Variants in PTPRD observed in about 807,000 individuals in gnomAD.
The protein encoded by PTPRD is receptor-type tyrosine-protein phosphatase delta.
Under a neutral mutation model 214.5 loss-of-function variants are expected in PTPRD, and 34 were observed. The observed-to-expected ratio is 0.16, with a 90% CI of 0.12 to 0.21. The LOEUF (loss-of-function observed/expected upper bound fraction) is 0.21. Among genes scored for constraint, PTPRD ranks in the 10% least tolerant of loss-of-function variants. The pLI, the probability that PTPRD is intolerant of heterozygous loss-of-function variation, is 1.00. For missense variants in PTPRD, 2,545 were observed against 2,398.7 expected (o/e 1.06, Z -1.27); for synonymous variants, 1,128 against 845.7 (o/e 1.33, Z -5.79).
At chr9:9,950,878 A>G (rs1306531968) in intron 4 of PTPRD, among the ~76,000 whole-genome samples, 1 of 152,122 alleles carries the variant, frequency 6.6e-6, no homozygotes, top group Non-Finnish European at 1.5e-5. Flanking sequence ...GTCTCAAATA[A>G]CAGTAGCAGC....
chr9:8,929,268 G>C (rs2098927594), intron 11 of PTPRD, among the ~76,000 whole-genome samples: 1 of 152,004 alleles, frequency 6.6e-6, no homozygotes, highest in African/African-American at 2.4e-5. Flanking sequence ...TCTTGTGCCG[G>C]TTTTCAAAGG....
chr9:9,959,114 T>G (rs955869138), intron 4 of PTPRD, among the ~76,000 whole-genome samples: 1 of 152,146 alleles, frequency 6.6e-6, no homozygotes, highest in African/African-American at 2.4e-5. Flanking sequence ...GTTCAACAGA[T>G]GAATGAATAA....
At chr9:10,036,430 T>C (rs1228408063) in intron 3 of PTPRD, among the ~76,000 whole-genome samples, 1 of 151,768 alleles carries the variant, frequency 6.6e-6, no homozygotes, top group Non-Finnish European at 1.5e-5. Context: ...ACTCAGATCA[T>C]AGCCCACCAT....
intron 9 of PTPRD, among the ~76,000 whole-genome samples, chr9:9,318,238 A>AAC (rs1375876167): frequency 2.0e-5 from 3 of 151,526 alleles, no homozygotes; most frequent in South Asian, 4.1e-4. Flanking sequence ...AAAAAAAAAA[A>AAC]CACCAAAAAG....
Position 8,331,475 on chromosome 9 carries a change from T to C in PTPRD, c.5534+107A>G, listed in dbSNP as rs573089639. The C allele has an allele frequency of 1.5e-3, 2,000 of 1,291,930 alleles. 4 individuals are homozygous for C. Among genetic ancestry groups the C allele is most frequent in the Non-Finnish European group, 2.0e-3 (1,858 of 938,804 alleles). 80.0% of individuals were successfully genotyped at this position (1,291,930 alleles called of 1,614,324 possible). On this transcript the variant is annotated intron_variant, in intron 44 of 45. Transcript: ENST00000381196. ...ATCCTGCTTTAAGTTTTGTAATACA[T>C]TGCCAAGAATAAAATTTCAAATAAG...
intron 14 of PTPRD, among the ~76,000 whole-genome samples, chr9:8,555,174 T>C (rs1008863833): frequency 3.3e-5 from 5 of 152,054 alleles, no homozygotes; most frequent in African/African-American, 1.2e-4. Flanking sequence ...CACACCAATT[T>C]GGGAGGATCA....
intron 12 of PTPRD, among the ~76,000 whole-genome samples, chr9:8,640,578 A>T (rs1007258096): frequency 1.3e-5 from 2 of 151,062 alleles, no homozygotes; most frequent in African/African-American, 4.8e-5. Context: ...AAAAAAAACA[A>T]AAAAACCTAA....
intron 11 of PTPRD, among the ~76,000 whole-genome samples, chr9:8,799,804 T>C (rs929167114): frequency 6.6e-6 from 1 of 152,064 alleles, no homozygotes; most frequent in Non-Finnish European, 1.5e-5. Flanking sequence ...AAATCCTCCT[T>C]CTTTAATTAC....
chr9:8,759,887 T>C (rs1336793008), intron 11 of PTPRD, among the ~76,000 whole-genome samples: 2 of 152,210 alleles, frequency 1.3e-5, no homozygotes, highest in Non-Finnish European at 2.9e-5. Flanking sequence ...CTCGTGTTTG[T>C]TTGTATGCTT....
chr9:9,858,028 A>G (rs759384943), intron 5 of PTPRD, among the ~76,000 whole-genome samples: 11 of 152,182 alleles, frequency 7.2e-5, no homozygotes, highest in Non-Finnish European at 1.5e-4. Context: ...ATGTCAAAAG[A>G]TTCACTCCTT....
intron 5 of PTPRD, among the ~76,000 whole-genome samples, chr9:9,806,381 C>T (rs773945830): frequency 6.6e-6 from 1 of 152,126 alleles, no homozygotes; most frequent in African/African-American, 2.4e-5. Context: ...GACATTCCCC[C>T]GCCTTTCTGA....
In PTPRD at chr9:10,178,811, G is replaced by C. The variant is rs2099264757; in HGVS notation, c.-544-145021C>G. ...TAGATGTGAGGAGTACCCCCAAGTT[G>C]GGACAACCAAAGATGTTTTCAGACA... On this transcript the variant is annotated intron_variant, in intron 3 of 45. Transcript: ENST00000381196. Among the ~76,000 whole-genome samples, 5 of 151,922 alleles carry C rather than the reference G, an allele frequency of 3.3e-5. No homozygotes were observed. The South Asian group carries it at 1.0e-3, about 31-fold the overall frequency.
At chr9:9,020,817 G>T (rs1415770302) in intron 10 of PTPRD, among the ~76,000 whole-genome samples, 1 of 152,116 alleles carries the variant, frequency 6.6e-6, no homozygotes, top group East Asian at 1.9e-4. Context: ...AAAGGTCATT[G>T]AATGAGAATA....
intron 3 of PTPRD, among the ~76,000 whole-genome samples, chr9:10,140,066 T>A (rs1042332295): frequency 3.9e-5 from 6 of 151,938 alleles, no homozygotes; most frequent in South Asian, 4.1e-4. Context: ...GAGCTTCTTC[T>A]CAGCAAGAGA....
At chr9:9,191,295 A>G (rs1017096087) in intron 9 of PTPRD, among the ~76,000 whole-genome samples, 1 of 152,080 alleles carries the variant, frequency 6.6e-6, no homozygotes, top group Non-Finnish European at 1.5e-5. Flanking sequence ...TGTGAATGAG[A>G]TAGGAAGGGG....
chr9:8,381,904 C>A (rs1182045800), intron 37 of PTPRD, among the ~76,000 whole-genome samples: 3 of 152,186 alleles, frequency 2.0e-5, no homozygotes, highest in Admixed American at 1.3e-4. Flanking sequence ...CAGAGCAGAA[C>A]TGTGTGAGGT....
chr9:9,932,067 A>C (rs1444821060), intron 5 of PTPRD, among the ~76,000 whole-genome samples: 6 of 149,766 alleles, frequency 4.0e-5, no homozygotes, highest in South Asian at 4.2e-4. Flanking sequence ...CACACCAAAA[A>C]CCCATCTGTA....
intron 7 of PTPRD, among the ~76,000 whole-genome samples, chr9:9,597,144 T>C (rs2093413872): frequency 1.3e-5 from 2 of 151,880 alleles, no homozygotes; most frequent in South Asian, 4.1e-4. Context: ...TCTCCAACAC[T>C]GTGGAAGCAG....
chr9:9,011,930 T>C (rs1446958544), intron 11 of PTPRD, among the ~76,000 whole-genome samples: 1 of 152,154 alleles, frequency 6.6e-6, no homozygotes, highest in Non-Finnish European at 1.5e-5. Flanking sequence ...GTGACATATT[T>C]CTAACCAATA....
Sources: gnomAD v4.1 joint callset for allele counts (sites outside exome capture counted in the v4.1 genomes callset) on GRCh38, gnomAD v4.1.1 for gene constraint, MANE v1.5 for transcripts, NCBI Gene and HGNC (gene_info 2026-07-23, HGNC 2026-07-21) for gene names.